YEATS4: variants seen among roughly 807,000 people sequenced by gnomAD.
The protein encoded by YEATS4 is YEATS domain containing 4.
In YEATS4, 17 loss-of-function variants were observed where a neutral mutation model predicts 30.1. That is an observed-to-expected ratio of 0.56 (90% confidence interval 0.39 to 0.85). The LOEUF is 0.85. Ranked by LOEUF, YEATS4 falls within the 40% of genes least tolerant of loss-of-function variation. The pLI is 0.00. For synonymous variants in YEATS4, 85 were observed against 87.5 expected (o/e 0.97, Z 0.16); for missense variants, 142 against 268.3 (o/e 0.53, Z 3.29).
At chr12:69,417,153 A>ATTTTTTTTTTT in the YEATS4 span, among the ~76,000 whole-genome samples, 1 of 136,378 alleles carries the variant, frequency 7.3e-6, no homozygotes, top group African/African-American at 2.7e-5. Context: ...ATTTTTTAAA[A>ATTTTTTTTTTT]ATTTTTTTTT....
At chr12:69,378,797 G>A (rs1290119932) in intron 6 of YEATS4, among the ~76,000 whole-genome samples, 1 of 152,056 alleles carries the variant, frequency 6.6e-6, no homozygotes, top group Non-Finnish European at 1.5e-5. Context: ...TAAGACTTGT[G>A]TAGTTTACAA....
At chr12:69,401,272 A>G in the YEATS4 span, 2 of 152,186 alleles carry the variant, frequency 1.3e-5, no homozygotes, top group Non-Finnish European at 2.9e-5. Context: ...TTTCATGTGT[A>G]AGGATGTTCA....
intron 6 of YEATS4, among the ~76,000 whole-genome samples, chr12:69,382,310 G>A (rs775476914): frequency 4.6e-5 from 7 of 152,176 alleles, no homozygotes; most frequent in Non-Finnish European, 8.8e-5. Context: ...CTGCGGGTAG[G>A]TCCAGAGATT....
At chr12:69,394,873 T>C (rs1306583833), downstream of YEATS4, among the ~76,000 whole-genome samples, 1 of 152,188 alleles carries the variant, frequency 6.6e-6, no homozygotes, top group Non-Finnish European at 1.5e-5. Context: ...TGAGCCACCA[T>C]GCCTAGCTTG....
At chr12:69,374,774 ACTT>A (rs935910513) in intron 6 of YEATS4, among the ~76,000 whole-genome samples, 2 of 151,992 alleles carry the variant, frequency 1.3e-5, no homozygotes, top group Non-Finnish European at 2.9e-5. Flanking sequence ...TCCTATGTCT[ACTT>A]CTTTCTACAC....
the YEATS4 span, among the ~76,000 whole-genome samples, chr12:69,405,910 T>C: frequency 0.27 from 41,172 of 152,190 alleles, 5,988 homozygotes; most frequent in East Asian, 0.58. Flanking sequence ...AATTATCTGA[T>C]ATGAGTTTTG....
the YEATS4 span, among the ~76,000 whole-genome samples, chr12:69,414,873 T>TA: frequency 6.6e-6 from 1 of 152,232 alleles, no homozygotes; most frequent in African/African-American, 2.4e-5. Flanking sequence ...GTGTTGTACT[T>TA]ACGTGGCTTT....
chr12:69,381,275 A>G (rs577572987), intron 6 of YEATS4, among the ~76,000 whole-genome samples: 1 of 152,332 alleles, frequency 6.6e-6, no homozygotes, highest in African/African-American at 2.4e-5. Flanking sequence ...TGCTGAGAAA[A>G]AGAATTCAGC....
intron 4 of YEATS4, 132 bp downstream of exon 4, chr12:69,366,016 G>A: frequency 2.1e-6 from 1 of 484,208 alleles, no homozygotes; most frequent in Non-Finnish European, 3.2e-6. Flanking sequence ...CTTGCCATGA[G>A]TTAAGTTTTT....
the YEATS4 span, among the ~76,000 whole-genome samples, chr12:69,397,807 G>A: frequency 3.3e-5 from 5 of 152,164 alleles, no homozygotes; most frequent in African/African-American, 1.2e-4. Context: ...TACAAGCCAA[G>A]GAGAGAGGCC....
chr12:69,413,353 G>GAAAAAAAAAAAAAAAAAAA, the YEATS4 span, among the ~76,000 whole-genome samples: 1 of 110,632 alleles, frequency 9.0e-6, no homozygotes, highest in Non-Finnish European at 1.8e-5. Flanking sequence ...GTCTCTAAAT[G>GAAAAAAAAAAAAAAAAAAA]AAAAAAAAAA....
At chr12:69,414,781 AC>A in the YEATS4 span, among the ~76,000 whole-genome samples, 1 of 152,152 alleles carries the variant, frequency 6.6e-6, no homozygotes, top group Non-Finnish European at 1.5e-5. Context: ...AAGTGCCTAG[AC>A]TTTGAAGCCA....
chr12:69,393,562 T>C (rs1207453552), downstream of YEATS4, among the ~76,000 whole-genome samples: 2 of 135,364 alleles, frequency 1.5e-5, no homozygotes, highest in Non-Finnish European at 3.2e-5. Context: ...TGCCAACAAT[T>C]GATAAAGAAA....
the YEATS4 span, among the ~76,000 whole-genome samples, chr12:69,419,070 C>T: frequency 1.4e-3 from 209 of 148,406 alleles, no homozygotes; most frequent in African/African-American, 5.1e-3. Flanking sequence ...AGTCATTTCC[C>T]CTGCTCACCT....
chr12:69,424,237 A>T, the YEATS4 span, among the ~76,000 whole-genome samples: 1 of 152,190 alleles, frequency 6.6e-6, no homozygotes, highest in African/African-American at 2.4e-5. Flanking sequence ...TTTTTTGTTA[A>T]TTGCCACAAT....
intron 6 of YEATS4, among the ~76,000 whole-genome samples, chr12:69,375,457 G>A (rs1457347739): frequency 6.7e-6 from 1 of 149,570 alleles, no homozygotes; most frequent in African/African-American, 2.5e-5. Context: ...CATCCCAGAC[G>A]ATGGGCGGCC....
the YEATS4 span, among the ~76,000 whole-genome samples, chr12:69,417,242 C>T: frequency 1.4e-5 from 2 of 145,218 alleles, no homozygotes; most frequent in Non-Finnish European, 3.0e-5. Context: ...ACTGCAGCCT[C>T]AACTTCCTGG....
chr12:69,407,230 C>T, the YEATS4 span, among the ~76,000 whole-genome samples: 1 of 151,792 alleles, frequency 6.6e-6, no homozygotes, highest in Admixed American at 6.6e-5. Context: ...CTAGGAATTC[C>T]CTTTAAGAGC....
At chr12:69,391,665 T>C (rs1254033422), downstream of YEATS4, among the ~76,000 whole-genome samples, 1 of 152,176 alleles carries the variant, frequency 6.6e-6, no homozygotes, top group African/African-American at 2.4e-5. Flanking sequence ...GGCTTGATGG[T>C]GGTACTTTCA....
Sources: gnomAD v4.1 joint callset for allele counts (sites outside exome capture counted in the v4.1 genomes callset) on GRCh38, gnomAD v4.1.1 for gene constraint, MANE v1.5 for transcripts, NCBI Gene and HGNC (gene_info 2026-07-23, HGNC 2026-07-21) for gene names.